NEGR1: variants seen among roughly 807,000 people sequenced by gnomAD.
NEGR1 encodes IgLON family member 4.
Under a neutral mutation model 40.9 loss-of-function variants are expected in NEGR1, and 10 were observed. The observed-to-expected ratio is 0.24, with a 90% CI of 0.15 to 0.42. The LOEUF (loss-of-function observed/expected upper bound fraction) is 0.42, where lower values mean the gene tolerates loss of function less well. Ranked by LOEUF, NEGR1 falls within the 10% of genes least tolerant of loss-of-function variation. The pLI is 1.00. For synonymous variants in NEGR1, 185 were observed against 166.8 expected, an observed-to-expected ratio of 1.11 and a Z score of -0.84; for missense variants, 352 against 438.9, an observed-to-expected ratio of 0.80 and a Z score of 1.77.
intron 2 of NEGR1, among the ~76,000 whole-genome samples, chr1:71,897,873 T>A (rs1262422322): frequency 6.6e-6 from 1 of 152,168 alleles, no homozygotes; most frequent in Non-Finnish European, 1.5e-5. Flanking sequence ...TTTTAATCAA[T>A]ACTGAATTTT....
At chr1:72,216,414 T>TAC (rs1557582878) in intron 1 of NEGR1, among the ~76,000 whole-genome samples, 2 of 143,960 alleles carry the variant, frequency 1.4e-5, no homozygotes, top group Non-Finnish European at 3.0e-5. Flanking sequence ...TATATATATA[T>TAC]ATGTATATCT....
chr1:71,763,807 G>A (rs915794090), intron 3 of NEGR1, among the ~76,000 whole-genome samples: 1 of 151,766 alleles, frequency 6.6e-6, no homozygotes. Flanking sequence ...GAATAGGGAA[G>A]TGAGAAAACA....
chr1:71,686,033 T>C (rs1457969927), intron 4 of NEGR1, among the ~76,000 whole-genome samples: 1 of 6,404 alleles, frequency 1.6e-4, no homozygotes, highest in African/African-American at 2.1e-4. Context: ...ATGAGACTCA[T>C]AGACTTTTTT....
At chr1:71,953,593 C>T (rs922835798) in intron 1 of NEGR1, among the ~76,000 whole-genome samples, 1 of 151,868 alleles carries the variant, frequency 6.6e-6, no homozygotes, top group African/African-American at 2.4e-5. Context: ...GTGGGTATGA[C>T]GCTATCAAAA....
intron 1 of NEGR1, among the ~76,000 whole-genome samples, chr1:72,174,573 C>A (rs1384740062): frequency 1.3e-5 from 2 of 152,086 alleles, no homozygotes; most frequent in Non-Finnish European, 2.9e-5. Context: ...TTTTTAAATT[C>A]TGTTTTACAC....
chr1:72,250,969 T>C (rs966992124), intron 1 of NEGR1, among the ~76,000 whole-genome samples: 9 of 152,184 alleles, frequency 5.9e-5, no homozygotes, highest in Non-Finnish European at 1.3e-4. Flanking sequence ...TCCATAACTC[T>C]CCAGATAAAC....
chr1:71,802,533 G>C (rs1177782962), intron 2 of NEGR1, among the ~76,000 whole-genome samples: 1 of 152,200 alleles, frequency 6.6e-6, no homozygotes, highest in East Asian at 1.9e-4. Context: ...TTCTCAGAGA[G>C]GGTGGGGCCA....
chr1:71,538,275 G>A (rs967562818), intron 6 of NEGR1, among the ~76,000 whole-genome samples: 3 of 151,504 alleles, frequency 2.0e-5, no homozygotes, highest in Non-Finnish European at 4.4e-5. Context: ...CTGCACACAC[G>A]ATATATTATT....
chr1:71,747,210 T>G (rs923695844), intron 3 of NEGR1, among the ~76,000 whole-genome samples: 2 of 151,784 alleles, frequency 1.3e-5, no homozygotes, highest in Admixed American at 6.6e-5. Flanking sequence ...CATATAAATC[T>G]CATTAATAAA....
intron 1 of NEGR1, among the ~76,000 whole-genome samples, chr1:72,240,621 C>A (rs1273150634): frequency 6.6e-6 from 1 of 151,848 alleles, no homozygotes; most frequent in East Asian, 1.9e-4. Context: ...TCAAAGCAAA[C>A]TGGACCAGTC....
chr1:71,628,028 C>T (rs938662297), intron 4 of NEGR1, among the ~76,000 whole-genome samples: 6 of 152,038 alleles, frequency 3.9e-5, no homozygotes, highest in African/African-American at 9.7e-5. Context: ...AGGGTGATAA[C>T]TCACCATGGG....
chr1:72,264,536 T>C (rs1018196376), intron 1 of NEGR1, among the ~76,000 whole-genome samples: 4 of 113,214 alleles, frequency 3.5e-5, no homozygotes, highest in African/African-American at 1.1e-4. Context: ...TTAGTCACTA[T>C]AAATGATTAT....
intron 1 of NEGR1, among the ~76,000 whole-genome samples, chr1:72,208,893 T>C (rs140498980): frequency 1.7e-4 from 26 of 151,712 alleles, no homozygotes; most frequent in African/African-American, 6.3e-4. Context: ...TATAAGGAAA[T>C]GTATTGCAAG....
intron 2 of NEGR1, among the ~76,000 whole-genome samples, chr1:71,821,953 T>C (rs1008972052): frequency 6.6e-6 from 1 of 151,788 alleles, no homozygotes; most frequent in Non-Finnish European, 1.5e-5. Context: ...CACAACCAGG[T>C]CACATAGGAG....
At chr1:72,038,115 A>C (rs1646920920) in intron 1 of NEGR1, among the ~76,000 whole-genome samples, 1 of 152,140 alleles carries the variant, frequency 6.6e-6, no homozygotes, top group Non-Finnish European at 1.5e-5. Flanking sequence ...TTTAAAGCCT[A>C]AATCTAACCA....
chr1:72,128,014 A>G (rs1650097797), intron 1 of NEGR1, among the ~76,000 whole-genome samples: 1 of 152,170 alleles, frequency 6.6e-6, no homozygotes. Flanking sequence ...TAAAACTAAT[A>G]TAACTAAGTC....
chr1:71,440,879 T>C (rs1300988235), intron 6 of NEGR1, among the ~76,000 whole-genome samples: 2 of 152,222 alleles, frequency 1.3e-5, no homozygotes, highest in African/African-American at 2.4e-5. Flanking sequence ...TCTTAACTAA[T>C]GCAGGTGAGT....
At chr1:72,232,369 GC>G (rs1308199514) in intron 1 of NEGR1, among the ~76,000 whole-genome samples, 4 of 150,302 alleles carry the variant, frequency 2.7e-5, no homozygotes, top group African/African-American at 7.3e-5. Context: ...AAAAAAAGCA[GC>G]AGCAGCTTTG....
intron 1 of NEGR1, among the ~76,000 whole-genome samples, chr1:72,109,987 A>T (rs1327146490): frequency 6.6e-6 from 1 of 151,698 alleles, no homozygotes; most frequent in Non-Finnish European, 1.5e-5. Flanking sequence ...TCCACAGTGT[A>T]GAATTTCCAT....
Sources: allele counts gnomAD v4.1 joint callset (sites outside exome capture counted in the v4.1 genomes callset), GRCh38; gene constraint gnomAD v4.1.1; transcripts MANE v1.5; gene names NCBI Gene and HGNC (gene_info 2026-07-23, HGNC 2026-07-21).